The following GK variants were observed in gnomAD, a reference collection of about 807,000 sequenced individuals.
GK encodes ATP:glycerol 3-phosphotransferase.
In GK, 9 loss-of-function variants were observed where a neutral mutation model predicts 56.4. That is an observed-to-expected ratio of 0.16 (90% confidence interval 0.10 to 0.28). The LOEUF is 0.28. Among genes scored for constraint, GK ranks in the 10% least tolerant of loss-of-function variants. The pLI, the probability that GK is intolerant of heterozygous loss-of-function variation, is 1.00. For synonymous variants in GK, 104 were observed against 144.1 expected (o/e 0.72, Z 1.99); for missense variants, 161 against 431.4 (o/e 0.37, Z 5.55).
At chrX:30,670,478 G>A (rs921955615) in intron 3 of GK, among the ~76,000 whole-genome samples, 1 of 111,527 alleles carries the variant, frequency 9.0e-6, no homozygotes, top group Non-Finnish European at 1.9e-5. Context: ...CTCTGTGTCT[G>A]GCCAGTGTGA....
At chrX:30,698,653 G>C (rs1435412720) in intron 9 of GK, among the ~76,000 whole-genome samples, 1 of 105,991 alleles carries the variant, frequency 9.4e-6, no homozygotes, top group Non-Finnish European at 1.9e-5. Flanking sequence ...GCAGTGAGCC[G>C]AGATCGCGCC....
chrX:30,721,237 G>T, intron 18 of GK: 1 of 408,589 alleles, frequency 2.4e-6, no homozygotes. Flanking sequence ...ACTGTTTATG[G>T]TCCTTTAGTG....
intron 18 of GK, 134 bp downstream of exon 18, chrX:30,721,129 G>A (rs1236897841): frequency 1.6e-6 from 1 of 631,784 alleles, no homozygotes. Context: ...AGATTCGGCT[G>A]CCAAGCATAT....
intron 14 of GK, 145 bp downstream of exon 14, chrX:30,718,761 A>C (rs1436006445): frequency 2.1e-6 from 1 of 469,158 alleles, no homozygotes; most frequent in African/African-American, 2.4e-5. Context: ...CTTATGCAAA[A>C]GACTATCTTG....
intron 6 of GK, 114 bp downstream of exon 6, chrX:30,694,651 A>G: frequency 1.6e-6 from 1 of 611,417 alleles, no homozygotes; most frequent in Non-Finnish European, 2.6e-6. Flanking sequence ...CATTATGAAG[A>G]AAAACCACTC....
chrX:30,719,817 A>G (rs1255289293), intron 15 of GK, among the ~76,000 whole-genome samples, 194 bp from the exon 16 acceptor site: 1 of 112,051 alleles, frequency 8.9e-6, no homozygotes, highest in East Asian at 2.8e-4. Flanking sequence ...ATCTTTTCAA[A>G]TGTGTCATGA....
intron 11 of GK, among the ~76,000 whole-genome samples, chrX:30,704,128 T>TTTTATATATATATA (rs1555917604): frequency 8.0e-5 from 6 of 74,936 alleles, no homozygotes; most frequent in South Asian, 1.4e-3. Flanking sequence ...GTTATTCATT[T>TTTTATATATATATA]TATATATATA....
At chrX:30,673,321 T>C (rs1460822776) in intron 3 of GK, among the ~76,000 whole-genome samples, 2 of 112,353 alleles carry the variant, frequency 1.8e-5, no homozygotes, top group Non-Finnish European at 3.8e-5. Context: ...TTTCATATTA[T>C]CTTAAACAGT....
chrX:30,725,838 G>C (rs751846208), intron 19 of GK, among the ~76,000 whole-genome samples: 22 of 110,020 alleles, frequency 2.0e-4, no homozygotes, highest in African/African-American at 6.6e-4. Context: ...ATTTTTAGTA[G>C]AGACGGGGGT....
At chrX:30,664,092 CTA>C (rs1431368964) in intron 1 of GK, among the ~76,000 whole-genome samples, 1 of 32,433 alleles carries the variant, frequency 3.1e-5, no homozygotes, top group African/African-American at 1.3e-4. Flanking sequence ...TTATATATAT[CTA>C]TATATATTTT....
At chrX:30,710,498 G>T in intron 13 of GK, among the ~76,000 whole-genome samples, 1 of 111,530 alleles carries the variant, frequency 9.0e-6, no homozygotes, top group Non-Finnish European at 1.9e-5. Flanking sequence ...AAAAAACAAG[G>T]GTGGGGAATA....
chrX:30,656,069 G>A (rs1226629169), intron 1 of GK, among the ~76,000 whole-genome samples: 1 of 112,237 alleles, frequency 8.9e-6, no homozygotes, highest in Non-Finnish European at 1.9e-5. Flanking sequence ...AAACCGTAGA[G>A]ATCCTGTGTG....
At chrX:30,706,049 G>A in intron 11 of GK, among the ~76,000 whole-genome samples, 1 of 111,822 alleles carries the variant, frequency 8.9e-6, no homozygotes. Context: ...AGCTTTTTCA[G>A]TGTGCGGCAA....
In GK at chrX:30,715,552, A is replaced by G. The variant is rs1601945521; in HGVS notation, c.976-2986A>G. ...TGTAGATGATATACTAAAGTATTGG[A>G]TCTTTATACTTAGGGTGTAATTTAT... On this transcript the variant is annotated intron_variant, in intron 13 of 20. Coordinates refer to ENST00000427190, the MANE Select transcript of GK (RefSeq NM_001205019.2). Among the ~76,000 whole-genome samples the G allele has an allele frequency of 2.7e-5, 3 of 112,091 alleles. No homozygotes were observed. In the East Asian group the frequency reaches 8.4e-4, roughly 31 times the overall value.
At chrX:30,692,497 G>A (rs886490611) in intron 5 of GK, among the ~76,000 whole-genome samples, 2 of 104,336 alleles carry the variant, frequency 1.9e-5, no homozygotes, top group Non-Finnish European at 2.0e-5. Flanking sequence ...TTTTTTTTTC[G>A]AGACAGGGTC....
At chrX:30,677,343 T>C (rs767124365) in intron 3 of GK, 32 bp from the exon 4 acceptor site, 20 of 831,188 alleles carry the variant, frequency 2.4e-5, no homozygotes, top group Non-Finnish European at 3.5e-5. Context: ...GTTAAATTTT[T>C]GACTTCCTTC....
rs1342416228 is a variant in GK, at chrX:30,700,441, A to G, written c.775A>G (p.Ile259Val). 1.7e-6 allele frequency: 2 copies of G among 1,196,780 alleles called. No homozygotes were observed. Among genetic ancestry groups the G allele is most frequent in the South Asian group, 3.5e-5 (2 of 56,371 alleles). ...VKAGALEGVPISGCLGDQSAA... is the reference protein window; with the variant it reads ...VKAGALEGVPVSGCLGDQSAA... ...AGCTGGGGCCTTGGAAGGTGTGCCA[A>G]TATCTGGGGTAAGTTTCATCACCAA... Residue 259 changes from isoleucine to valine, a missense_variant, in exon 10 of 21, where the codon ATA becomes GTA. By Grantham distance (29) the Ile-to-Val change is conservative (BLOSUM62 3). Transcript: ENST00000427190.
At chrX:30,660,529 T>C (rs780998694) in intron 1 of GK, among the ~76,000 whole-genome samples, 1 of 111,385 alleles carries the variant, frequency 9.0e-6, no homozygotes, top group Admixed American at 9.7e-5. Context: ...GTAGCAACAA[T>C]GATAGTGTTG....
At chrX:30,678,532 A>G (rs1163531896) in intron 4 of GK, among the ~76,000 whole-genome samples, 1 of 111,821 alleles carries the variant, frequency 8.9e-6, no homozygotes, top group African/African-American at 3.2e-5. Context: ...AATCTTTATT[A>G]AAAGTTAAAG....
Sources: allele counts gnomAD v4.1 joint callset (sites outside exome capture counted in the v4.1 genomes callset), GRCh38; gene constraint gnomAD v4.1.1; transcripts MANE v1.5; gene names NCBI Gene and HGNC (gene_info 2026-07-23, HGNC 2026-07-21).